RYR1: variants seen among roughly 807,000 people sequenced by gnomAD.
RYR1 encodes ryanodine receptor 1, also known as central core disease of muscle.
A neutral mutation model predicts 583.5 loss-of-function variants in RYR1; 342 were observed. That is an observed-to-expected ratio of 0.59 (90% confidence interval 0.54 to 0.64). The LOEUF (loss-of-function observed/expected upper bound fraction) is 0.64. Among genes scored for constraint, RYR1 ranks in the 30% least tolerant of loss-of-function variants. The probability of loss-of-function intolerance (pLI) is 0.00; values close to 1 mark genes in which losing one functional copy is unlikely to be tolerated. For missense variants in RYR1, 6,032 were observed against 6,917.2 expected (o/e 0.87, Z 4.54); for synonymous variants, 2,791 against 2,822.5 (o/e 0.99, Z 0.35).
chr19:38,486,433 TCC>T (rs1969302528), intron 34 of RYR1, among the ~76,000 whole-genome samples: 1 of 152,134 alleles, frequency 6.6e-6, no homozygotes, highest in Non-Finnish European at 1.5e-5. Context: ...AACCTCCGCC[TCC>T]CAGGTTCAAG....
At chr19:38,476,923 C>T (rs185440171) in intron 29 of RYR1, among the ~76,000 whole-genome samples, 10 of 152,096 alleles carry the variant, frequency 6.6e-5, no homozygotes, top group South Asian at 4.2e-4. Context: ...AGTCCCAGAA[C>T]GTTGGGAGGC....
chr19:38,505,326 C>T lies in RYR1; in HGVS notation c.8328C>T (p.Ser2776=), dbSNP rs776168682. 1.9e-6 allele frequency: 3 copies of T among 1,611,794 alleles called. No homozygotes were observed. The highest frequency in any genetic ancestry group is 2.2e-5 in the East Asian group (1 of 44,870). The part of the protein sequence containing the change: ...WAFDKIQNNW[S]YGENIDEELK... ...ATCTCTAGATCCAGAACAACTGGTC[C>T]TATGGAGAGAACATAGACGAGGAGC... The change falls in exon 53 of 106, where the codon TCC becomes TCT. Residue 2776 remains serine, a synonymous_variant. Coordinates refer to ENST00000359596, the MANE Select transcript of RYR1 (RefSeq NM_000540.3).
At chr19:38,453,158 C>T (rs906468405) in intron 13 of RYR1, 144 bp downstream of exon 13, 2 of 821,492 alleles carry the variant, frequency 2.4e-6, no homozygotes, top group Non-Finnish European at 3.8e-6. Context: ...GGAGAAGGAG[C>T]CGGACAGGAA....
chr19:38,453,275 G>A (rs911378876), intron 13 of RYR1, among the ~76,000 whole-genome samples: 4 of 151,944 alleles, frequency 2.6e-5, no homozygotes, highest in Admixed American at 6.6e-5. Flanking sequence ...CGACCAGGGG[G>A]CGGGGCCTGG....
intron 84 of RYR1, among the ~76,000 whole-genome samples, chr19:38,538,166 G>A (rs186722889): frequency 7.9e-5 from 12 of 152,274 alleles, no homozygotes; most frequent in African/African-American, 2.9e-4. Flanking sequence ...GGGAGGCAAA[G>A]GCTGGTGGAT....
intron 71 of RYR1, 64 bp from the exon 72 acceptor site, chr19:38,526,929 G>C (rs1161398083): frequency 6.4e-7 from 1 of 1,566,644 alleles, no homozygotes; most frequent in African/African-American, 1.4e-5. Flanking sequence ...TGGAAGGAAA[G>C]GGTTGTGGGT....
chr19:38,573,306 C>G lies in RYR1; in HGVS notation c.14128C>G (p.Pro4710Ala). ...GTGGGACCGACTGGTGCTCAACACG[C>G]CGTAAGGACCCAGCCCCCACCTCAG... ...GQWDRLVLNT[P>A]SFPSNYWDKF... Residue 4710 changes from proline to alanine, a missense_variant and splice_region_variant, in exon 96 of 106, where the codon CCG becomes GCG. Pro to Ala is a conservative substitution (Grantham distance 27, BLOSUM62 -1). This residue lies in a region of RYR1 where 188 missense variants were observed against 215.6 expected (regional missense o/e 0.87). Transcript: ENST00000359596. 1 of 1,613,170 alleles carries G rather than the reference C, an allele frequency of 6.2e-7. No homozygotes were observed. Among genetic ancestry groups the G allele is most frequent in the East Asian group, 2.2e-5 (1 of 44,846 alleles).
chr19:38,585,369 G>GATATAT lies in RYR1; in HGVS notation c.14803+283_14803+288dup, dbSNP rs3039200. ...ATATGAGTGCTCAATAAAGGCCTGAGATATATATATATATATATGTTTATT... is the reference window on the plus strand; with the variant it reads ...ATATGAGTGCTCAATAAAGGCCTGAGATATATATATATATATATATATATGTTTATT... On this transcript the variant is annotated intron_variant, in intron 102 of 105. Coordinates refer to ENST00000359596, the MANE Select transcript of RYR1 (RefSeq NM_000540.3). Among the ~76,000 whole-genome samples the GATATAT allele has an allele frequency of 0.021, 2,933 of 141,024 alleles. 80 individuals carry two copies. The highest frequency in any genetic ancestry group is 0.061 in the African/African-American group (2,333 of 38,436). 92.5% of individuals were successfully genotyped at this position (141,024 alleles called of 152,430 possible).
rs35566549 is a variant in RYR1 at position 38,485,989 on chromosome 19, G to A, written c.5334G>A (p.Ser1778=). The part of the protein sequence containing the change: ...TTSLRPPHHF[S]PPCFVAALPA... ...CGCTGAGGCCCCCGCATCATTTCTC[G>A]CCCCCCTGTTTCGTGGCCGCTCTGC... The change falls in exon 34 of 106, where the codon TCG becomes TCA. Residue 1778 remains serine (S), a synonymous_variant. Transcript: ENST00000359596. 30 of 1,613,430 alleles carry A rather than the reference G, an allele frequency of 1.9e-5. No homozygotes were observed. The Middle Eastern group carries it at 6.6e-4, about 35-fold the overall frequency.
At chr19:38,522,863 A>G (rs1175885208) in intron 67 of RYR1, among the ~76,000 whole-genome samples, 165 bp from the exon 68 acceptor site, 1 of 126,812 alleles carries the variant, frequency 7.9e-6, no homozygotes, top group Non-Finnish European at 1.8e-5. Flanking sequence ...GACAGAGAAA[A>G]AAAATTTTTT....
intron 20 of RYR1, among the ~76,000 whole-genome samples, chr19:38,462,070 G>C (rs920234991): frequency 1.3e-5 from 2 of 152,106 alleles, no homozygotes; most frequent in East Asian, 3.9e-4. Flanking sequence ...AAGAAAGAAA[G>C]AAAGGACTGT....
intron 89 of RYR1, among the ~76,000 whole-genome samples, chr19:38,555,287 C>T (rs1972831547): frequency 1.3e-5 from 2 of 151,850 alleles, no homozygotes; most frequent in African/African-American, 4.8e-5. Context: ...CCTGTCTCCA[C>T]TAAAAATACA....
At chr19:38,537,005 C>T in intron 83 of RYR1, 2 of 596,470 alleles carry the variant, frequency 3.4e-6, no homozygotes, top group Non-Finnish European at 6.0e-6. Context: ...CTTCCCTAAG[C>T]TTCACTTTCC....
intron 84 of RYR1, among the ~76,000 whole-genome samples, chr19:38,538,171 G>T (rs574574908): frequency 4.5e-4 from 69 of 152,260 alleles, no homozygotes; most frequent in Non-Finnish European, 8.8e-4. Context: ...GCAAAGGCTG[G>T]TGGATCTCCT....
intron 67 of RYR1, among the ~76,000 whole-genome samples, chr19:38,520,693 CAAAAAAAAAAA>C (rs71165555): frequency 8.5e-5 from 4 of 46,902 alleles, no homozygotes; most frequent in African/African-American, 1.6e-4. Flanking sequence ...GGCTCCACCT[CAAAAAAAAAAA>C]AAAAAAAAAA....
chr19:38,526,911 G>T (rs1396375209), intron 71 of RYR1, 82 bp from the exon 72 acceptor site: 1 of 1,474,412 alleles, frequency 6.8e-7, no homozygotes, highest in East Asian at 2.3e-5. Flanking sequence ...TTCCTGGGGT[G>T]CTGGGCCTGG....
intron 78 of RYR1, among the ~76,000 whole-genome samples, chr19:38,534,306 C>T (rs1971869734): frequency 6.6e-6 from 1 of 152,156 alleles, no homozygotes; most frequent in African/African-American, 2.4e-5. Context: ...CCACCTTGCC[C>T]AGCCACATCT....
At position 38,536,144 on chromosome 19, in the gene RYR1, G is replaced by A. The variant is rs911325942; in HGVS notation, c.11590+74G>A. The A allele has an allele frequency of 1.8e-4, 166 of 909,288 alleles. No homozygotes were observed. The African/African-American group carries it at 3.9e-3, about 22-fold the overall frequency. The allele number at this position is 909,288 out of a possible 1,614,324, so 56.3% of individuals were successfully genotyped here. A position where few individuals can be genotyped will look rare whatever the true frequency, so the allele number is the denominator to read the frequency against. ...GATTCCTCCCACCCCACCCCCACCC[G>A]CCATTGCCCAGAGCTCCCTTCCTCC... On this transcript the variant is annotated intron_variant, in intron 82 of 105. Coordinates refer to ENST00000359596, the MANE Select transcript of RYR1 (RefSeq NM_000540.3).
intron 98 of RYR1, 43 bp downstream of exon 98, chr19:38,578,091 G>T (rs376978923): frequency 3.7e-6 from 6 of 1,613,556 alleles, no homozygotes; most frequent in Non-Finnish European, 5.1e-6. Context: ...GCATGCAGGG[G>T]AGGTGACTGG....
Sources: allele counts gnomAD v4.1 joint callset (sites outside exome capture counted in the v4.1 genomes callset), GRCh38; gene constraint gnomAD v4.1.1; regional missense constraint gnomAD v4.1.1; transcripts MANE v1.5; gene names NCBI Gene and HGNC (gene_info 2026-07-23, HGNC 2026-07-21).